Variants in STRN observed in about 807,000 individuals in gnomAD.
The protein encoded by STRN is protein phosphatase 2 regulatory subunit B'''alpha.
STRN carries 53 observed loss-of-function variants against 96.3 expected under a neutral mutation model. The observed-to-expected ratio is 0.55, with a 90% CI of 0.44 to 0.69. STRN has a LOEUF of 0.69. Ranked by LOEUF, STRN falls within the 30% of genes least tolerant of loss-of-function variation. The probability of loss-of-function intolerance (pLI) is 0.00; values close to 1 mark genes in which losing one functional copy is unlikely to be tolerated. For synonymous variants in STRN, 428 were observed against 355.9 expected, an observed-to-expected ratio of 1.20 and a Z score of -2.28; for missense variants, 987 against 963.9, an observed-to-expected ratio of 1.02 and a Z score of -0.32.
intron 10 of STRN, 87 bp from the exon 11 acceptor site, chr2:36,869,816 G>T (rs2148150217): frequency 1.8e-6 from 2 of 1,106,412 alleles, no homozygotes; most frequent in Non-Finnish European, 2.4e-6. Context: ...TCTTGCTGAT[G>T]TGTCAATAAA....
intron 3 of STRN, among the ~76,000 whole-genome samples, chr2:36,915,671 TC>T (rs1225561975): frequency 6.6e-6 from 1 of 152,202 alleles, no homozygotes; most frequent in East Asian, 1.9e-4. Context: ...GAGGAATTCC[TC>T]CATGCTTTAA....
At chr2:36,938,970 T>G (rs577813431) in intron 1 of STRN, among the ~76,000 whole-genome samples, 4 of 143,382 alleles carry the variant, frequency 2.8e-5, no homozygotes, top group African/African-American at 1.0e-4. Flanking sequence ...GTGTGTCAAG[T>G]TTTTTTTTTT....
At chr2:36,915,800 G>A (rs536772834) in intron 3 of STRN, among the ~76,000 whole-genome samples, 24 of 152,154 alleles carry the variant, frequency 1.6e-4, no homozygotes, top group Non-Finnish European at 3.2e-4. Flanking sequence ...GCAAGACAAG[G>A]TTATGCTGGT....
chr2:36,864,866 C>A (rs980597247), intron 12 of STRN, among the ~76,000 whole-genome samples: 14 of 152,166 alleles, frequency 9.2e-5, no homozygotes, highest in African/African-American at 3.4e-4. Context: ...GCACCTGCCA[C>A]CACGCCCAGC....
chr2:36,912,243 T>C (rs191779740), intron 3 of STRN, among the ~76,000 whole-genome samples: 5 of 152,322 alleles, frequency 3.3e-5, no homozygotes, highest in African/African-American at 1.2e-4. Context: ...CACGTGTGCG[T>C]GAGAGTGTGC....
chr2:36,962,731 T>C (rs1205526056), intron 1 of STRN, among the ~76,000 whole-genome samples: 1 of 152,134 alleles, frequency 6.6e-6, no homozygotes, highest in Non-Finnish European at 1.5e-5. Flanking sequence ...ACGGTCTCGA[T>C]ATCTTGACCT....
chr2:36,858,730 T>C (rs1668409849), intron 13 of STRN, among the ~76,000 whole-genome samples: 1 of 152,248 alleles, frequency 6.6e-6, no homozygotes, highest in Non-Finnish European at 1.5e-5. Context: ...TCAATGGTGT[T>C]ATGTCTTATA....
chr2:36,863,293 CTTTT>C (rs1334302000), intron 12 of STRN, among the ~76,000 whole-genome samples: 1 of 151,926 alleles, frequency 6.6e-6, no homozygotes, highest in African/African-American at 2.4e-5. Context: ...TTTTCTTCAA[CTTTT>C]TTTAGTTTTA....
At chr2:36,952,491 C>T (rs1664777683) in intron 1 of STRN, among the ~76,000 whole-genome samples, 1 of 151,006 alleles carries the variant, frequency 6.6e-6, no homozygotes, top group Non-Finnish European at 1.5e-5. Flanking sequence ...CTTCTACTTA[C>T]CATGCCCAGA....
intron 1 of STRN, among the ~76,000 whole-genome samples, chr2:36,934,022 T>C (rs1452199082): frequency 1.3e-5 from 2 of 152,006 alleles, no homozygotes; most frequent in African/African-American, 2.4e-5. Context: ...TGAGGAAGAA[T>C]GGCGTGAACC....
intron 1 of STRN, among the ~76,000 whole-genome samples, chr2:36,936,324 T>C (rs1670700839): frequency 6.6e-6 from 1 of 152,204 alleles, no homozygotes; most frequent in Non-Finnish European, 1.5e-5. Flanking sequence ...GATTCTGTTT[T>C]GGTTTTATTT....
chr2:36,887,671 G>C (rs114301871), intron 7 of STRN, among the ~76,000 whole-genome samples: 2,729 of 152,064 alleles, frequency 0.018, 84 homozygotes, highest in African/African-American at 0.062. Context: ...TATTTTACAG[G>C]CTTAATACAT....
intron 3 of STRN, among the ~76,000 whole-genome samples, chr2:36,911,309 TTGTC>T (rs1216849360): frequency 5.9e-5 from 9 of 152,196 alleles, no homozygotes; most frequent in Admixed American, 1.3e-4. Context: ...TGCAAACTGA[TTGTC>T]TGAGCAGACC....
At chr2:36,856,958 C>A (rs1357864159) in intron 14 of STRN, among the ~76,000 whole-genome samples, 2 of 152,074 alleles carry the variant, frequency 1.3e-5, no homozygotes, top group Non-Finnish European at 2.9e-5. Context: ...GAGGCCTCCC[C>A]AGAAGCCAAA....
At chr2:36,906,686 G>A (rs1669829193) in intron 3 of STRN, among the ~76,000 whole-genome samples, 1 of 151,970 alleles carries the variant, frequency 6.6e-6, no homozygotes. Context: ...AGCACCTTGG[G>A]AGGCCGAAGC....
At chr2:36,891,217 G>C (rs1032316138) in intron 7 of STRN, among the ~76,000 whole-genome samples, 10 of 152,100 alleles carry the variant, frequency 6.6e-5, no homozygotes, top group Non-Finnish European at 1.2e-4. Flanking sequence ...ACCTCAACAA[G>C]AAGAGTCATT....
At chr2:36,942,902 G>A (rs536351841) in intron 1 of STRN, among the ~76,000 whole-genome samples, 2 of 152,014 alleles carry the variant, frequency 1.3e-5, no homozygotes, top group Non-Finnish European at 2.9e-5. Flanking sequence ...CACCATGTTG[G>A]CCAGGCTGGT....
rs1370701387 is a variant in STRN, at chr2:36,909,570, TAG to T, written c.413-3954_413-3953del. Among the ~76,000 whole-genome samples the T allele has an allele frequency of 3.3e-5, 5 of 152,088 alleles. 1 individual carries two copies. The East Asian group carries it at 9.7e-4, about 29-fold the overall frequency. On this transcript the variant is annotated intron_variant, in intron 3 of 17. Transcript: ENST00000263918. ...CCTCATGATTATCCCAGACACCACC[TAG>T]AGAGAGTTTCCAGATCATAGCACAG... is the stretch of plus-strand genomic sequence containing the variant.
rs961039519 is a variant in STRN, at chr2:36,921,693, AT to A, written c.338+3411del. On this transcript the variant is annotated intron_variant, in intron 2 of 17. Transcript: ENST00000263918. ...TCAGATTTCATGGACTCTACTTAAA[AT>A]TTTTTTTTTGTTGATGTGTCTATTT... Among the ~76,000 whole-genome samples, 24 of 120,522 alleles carry A rather than the reference AT, an allele frequency of 2.0e-4. No homozygotes were observed. In the East Asian group the frequency reaches 3.7e-3, roughly 19 times the overall value. 79.1% of individuals were successfully genotyped at this position (120,522 alleles called of 152,430 possible).
Sources: gnomAD v4.1 joint callset for allele counts (sites outside exome capture counted in the v4.1 genomes callset) on GRCh38, gnomAD v4.1.1 for gene constraint, MANE v1.5 for transcripts, NCBI Gene and HGNC (gene_info 2026-07-23, HGNC 2026-07-21) for gene names.